SNTG1: variants seen among roughly 807,000 people sequenced by gnomAD.
The protein encoded by SNTG1 is syntrophin gamma 1.
SNTG1 carries 39 observed loss-of-function variants against 74.7 expected under a neutral mutation model. That is an observed-to-expected ratio of 0.52 (90% CI 0.40 to 0.68). SNTG1 has a LOEUF of 0.68. Ranked by LOEUF, SNTG1 falls within the 30% of genes least tolerant of loss-of-function variation. The pLI, the probability that SNTG1 is intolerant of heterozygous loss-of-function variation, is 0.00. For missense variants in SNTG1, 685 were observed against 609.5 expected (o/e 1.12, Z -1.30); for synonymous variants, 254 against 217.1 (o/e 1.17, Z -1.49).
At chr8:50,305,524 ATGTGTGTG>A (rs5891361) in intron 2 of SNTG1, among the ~76,000 whole-genome samples, 7,588 of 146,038 alleles carry the variant, frequency 0.052, 209 homozygotes, top group Middle Eastern at 0.11. Context: ...GTTTGTGCTT[ATGTGTGTG>A]TGTGTGTGTG....
At chr8:50,507,326 G>A (rs1042334526) in intron 9 of SNTG1, among the ~76,000 whole-genome samples, 1 of 151,904 alleles carries the variant, frequency 6.6e-6, no homozygotes, top group Admixed American at 6.6e-5. Context: ...TTCAGTATCT[G>A]GGTAATGTTC....
At chr8:50,406,061 A>C (rs541288539) in intron 4 of SNTG1, among the ~76,000 whole-genome samples, 3 of 152,118 alleles carry the variant, frequency 2.0e-5, no homozygotes, top group African/African-American at 4.8e-5. Context: ...TTTTGGAATG[A>C]ATTTTTCTAT....
chr8:50,680,605 G>A (rs542033531), intron 15 of SNTG1, among the ~76,000 whole-genome samples: 1 of 152,248 alleles, frequency 6.6e-6, no homozygotes, highest in South Asian at 2.1e-4. Flanking sequence ...CTAGAGCACA[G>A]TTACAAAATG....
At chr8:50,755,724 A>G (rs982437415) in intron 18 of SNTG1, among the ~76,000 whole-genome samples, 1 of 151,904 alleles carries the variant, frequency 6.6e-6, no homozygotes, top group Non-Finnish European at 1.5e-5. Flanking sequence ...TCCATCACCA[A>G]TAAATGAAAG....
intron 2 of SNTG1, among the ~76,000 whole-genome samples, chr8:50,297,923 C>A (rs1489540103): frequency 6.7e-6 from 1 of 149,316 alleles, no homozygotes; most frequent in Non-Finnish European, 1.5e-5. Context: ...TATGAGGACA[C>A]TATTACATAG....
intron 2 of SNTG1, among the ~76,000 whole-genome samples, chr8:50,187,540 A>T (rs2083428969): frequency 6.6e-6 from 1 of 152,166 alleles, no homozygotes; most frequent in Non-Finnish European, 1.5e-5. Flanking sequence ...TAAATAGATT[A>T]TGTGCTTGGG....
At chr8:50,334,086 G>A (rs1181164883) in intron 2 of SNTG1, among the ~76,000 whole-genome samples, 1 of 152,138 alleles carries the variant, frequency 6.6e-6, no homozygotes, top group African/African-American at 2.4e-5. Context: ...TAGTAGAGAT[G>A]GGGTTTTGCC....
At chr8:49,993,740 T>C (rs759761690) in intron 1 of SNTG1, among the ~76,000 whole-genome samples, 22 of 152,186 alleles carry the variant, frequency 1.4e-4, no homozygotes, top group Non-Finnish European at 2.6e-4. Flanking sequence ...CATGAACTCA[T>C]TCTTTTTTAT....
intron 2 of SNTG1, among the ~76,000 whole-genome samples, chr8:50,384,322 G>C (rs534164247): frequency 6.6e-6 from 1 of 152,232 alleles, no homozygotes; most frequent in Non-Finnish European, 1.5e-5. Flanking sequence ...TGTGAGGTGA[G>C]TGCCTTGATC....
intron 17 of SNTG1, among the ~76,000 whole-genome samples, chr8:50,719,249 C>A (rs999036617): frequency 6.6e-6 from 1 of 152,126 alleles, no homozygotes; most frequent in African/African-American, 2.4e-5. Flanking sequence ...AGGAGGAGAG[C>A]CTTTCGGGAG....
At chr8:49,991,660 G>C (rs35728928) in intron 1 of SNTG1, among the ~76,000 whole-genome samples, 10 of 152,194 alleles carry the variant, frequency 6.6e-5, no homozygotes, top group Non-Finnish European at 1.5e-4. Flanking sequence ...CTGTATAACT[G>C]AGATGAGCTT....
intron 2 of SNTG1, among the ~76,000 whole-genome samples, chr8:50,273,419 C>T (rs1007553066): frequency 2.6e-5 from 4 of 152,096 alleles, no homozygotes; most frequent in East Asian, 1.9e-4. Context: ...TTCTAGGTCT[C>T]GGGTTATATA....
intron 1 of SNTG1, among the ~76,000 whole-genome samples, chr8:50,126,793 A>G (rs561862507): frequency 1.3e-5 from 2 of 152,250 alleles, no homozygotes; most frequent in African/African-American, 4.8e-5. Context: ...AGACAAAACA[A>G]AAGAAAGCCC....
chr8:50,639,656 C>T (rs1017888804), intron 13 of SNTG1, among the ~76,000 whole-genome samples: 3 of 151,890 alleles, frequency 2.0e-5, no homozygotes, highest in African/African-American at 4.8e-5. Flanking sequence ...TAAATTACAC[C>T]TCTGCTACAA....
At chr8:50,729,197 C>A (rs1460389805) in intron 17 of SNTG1, among the ~76,000 whole-genome samples, 1 of 152,180 alleles carries the variant, frequency 6.6e-6, no homozygotes, top group African/African-American at 2.4e-5. Flanking sequence ...TGTGGCTTGG[C>A]TCATCCCTGA....
intron 2 of SNTG1, among the ~76,000 whole-genome samples, chr8:50,272,497 G>A (rs2130302258): frequency 6.6e-6 from 1 of 152,296 alleles, no homozygotes; most frequent in South Asian, 2.1e-4. Context: ...AGGACATGAA[G>A]ATTGTTCACA....
At chr8:50,138,535 G>T (rs373738203) in intron 1 of SNTG1, among the ~76,000 whole-genome samples, 3 of 151,670 alleles carry the variant, frequency 2.0e-5, no homozygotes, top group African/African-American at 4.8e-5. Flanking sequence ...TGAGGCAGGA[G>T]AATTGCTTGA....
chr8:50,583,380 G>A (rs552100826), intron 12 of SNTG1, among the ~76,000 whole-genome samples: 8 of 128,530 alleles, frequency 6.2e-5, no homozygotes, highest in South Asian at 2.5e-4. Context: ...CAGCCTGGGC[G>A]ACAGAGTGAG....
chr8:50,626,896 GTTA>G (rs1357733443), intron 13 of SNTG1, among the ~76,000 whole-genome samples: 10 of 151,984 alleles, frequency 6.6e-5, no homozygotes, highest in African/African-American at 2.4e-4. Context: ...ATTCTTTTAG[GTTA>G]TTATTTATGT....
Sources: gnomAD v4.1 joint callset for allele counts (sites outside exome capture counted in the v4.1 genomes callset) on GRCh38, gnomAD v4.1.1 for gene constraint, MANE v1.5 for transcripts, NCBI Gene and HGNC (gene_info 2026-07-23, HGNC 2026-07-21) for gene names.